The following TJP1 variants were observed in gnomAD, a reference collection of about 807,000 sequenced individuals.
TJP1 encodes the protein tight junction protein 1, also known as tight junction protein ZO-1.
TJP1 carries 43 observed loss-of-function variants against 194.2 expected under a neutral mutation model. The ratio of observed to expected loss-of-function variants is 0.22; its 90% CI spans 0.17 to 0.29. TJP1 has a LOEUF of 0.29. Among genes scored for constraint, TJP1 ranks in the 10% least tolerant of loss-of-function variants. The pLI, the probability that TJP1 is intolerant of heterozygous loss-of-function variation, is 1.00. For missense variants in TJP1, 1,971 were observed against 2,185.7 expected (o/e 0.90, Z 1.96); for synonymous variants, 801 against 779.0 (o/e 1.03, Z -0.47).
chr15:29,897,878 T>C (rs1399200743), intron 2 of TJP1, among the ~76,000 whole-genome samples: 1 of 152,212 alleles, frequency 6.6e-6, no homozygotes, highest in Non-Finnish European at 1.5e-5. Flanking sequence ...ACCCACATTG[T>C]ATTTAGGAAG....
intron 2 of TJP1, among the ~76,000 whole-genome samples, chr15:29,787,663 T>C (rs1353721434): frequency 6.6e-6 from 1 of 152,234 alleles, no homozygotes; most frequent in Non-Finnish European, 1.5e-5. Context: ...ATCAATGTTG[T>C]GGCATGTATC....
At chr15:29,766,890 G>A (rs2046364612) in intron 4 of TJP1, among the ~76,000 whole-genome samples, 1 of 152,136 alleles carries the variant, frequency 6.6e-6, no homozygotes, top group African/African-American at 2.4e-5. Context: ...GTACTCTAAT[G>A]CCATCAAATA....
At chr15:29,742,913 T>C in intron 8 of TJP1, 132 bp from the exon 9 acceptor site, 1 of 691,862 alleles carries the variant, frequency 1.4e-6, no homozygotes, top group Non-Finnish European at 2.1e-6. Flanking sequence ...ACCAAAATAT[T>C]GTAAAAACCT....
chr15:29,817,750 C>T (rs2050028616), intron 1 of TJP1, among the ~76,000 whole-genome samples: 1 of 152,112 alleles, frequency 6.6e-6, no homozygotes, highest in Non-Finnish European at 1.5e-5. Context: ...AACCAAACAC[C>T]ACATGTTCTC....
At chr15:29,960,389 T>C (rs546766454) in intron 1 of TJP1, among the ~76,000 whole-genome samples, 1 of 152,102 alleles carries the variant, frequency 6.6e-6, no homozygotes, top group South Asian at 2.1e-4. Flanking sequence ...TATCAGCACT[T>C]TGGGAGGCCG....
At chr15:29,834,074 G>C (rs2071613891) in intron 2 of TJP1, among the ~76,000 whole-genome samples, 1 of 147,480 alleles carries the variant, frequency 6.8e-6, no homozygotes, top group African/African-American at 2.5e-5. Context: ...GTAGAGACAG[G>C]GTTTCACCAT....
chr15:29,898,027 G>C (rs997543186), intron 2 of TJP1, among the ~76,000 whole-genome samples: 3 of 152,180 alleles, frequency 2.0e-5, no homozygotes, highest in Non-Finnish European at 4.4e-5. Flanking sequence ...GGCATGATTG[G>C]TTTTGAAATG....
Position 29,710,920 on chromosome 15 carries a change from G to A in TJP1, c.4283C>T (p.Pro1428Leu). ...GGCATACTGCGAGGGCAATGGAGGA[G>A]GAGGGGGAGTGGCCTGGATGGGTTC... is the stretch of plus-strand genomic sequence containing the variant. ...RYEPIQATPP[P>L]PPLPSQYAQP... The change falls in exon 24 of 28, where the codon CCT becomes CTT. Residue 1428 changes from proline to leucine, a missense_variant. Around this residue, in one of 5 missense-constraint regions of TJP1, gnomAD observed 1,108 missense variants for 1,128.5 expected, o/e 0.98. Coordinates refer to ENST00000614355, the MANE Select transcript of TJP1 (RefSeq NM_001330239.4). 1 of 1,614,216 alleles carries A rather than the reference G, an allele frequency of 6.2e-7. No homozygotes were observed. The highest frequency in any genetic ancestry group is 8.5e-7 in the Non-Finnish European group (1 of 1,180,050).
chr15:29,882,870 G>A (rs942049744), intron 2 of TJP1, among the ~76,000 whole-genome samples: 4 of 152,272 alleles, frequency 2.6e-5, no homozygotes, highest in African/African-American at 9.6e-5. Flanking sequence ...TGGCCACAGC[G>A]ATGGCTTCCC....
chr15:29,957,651 C>T (rs2055997918), intron 1 of TJP1, among the ~76,000 whole-genome samples: 1 of 152,222 alleles, frequency 6.6e-6, no homozygotes, highest in East Asian at 1.9e-4. Context: ...ATTTGTTCAA[C>T]TATTCCCCTA....
intron 2 of TJP1, among the ~76,000 whole-genome samples, chr15:29,847,374 A>G (rs2051454915): frequency 1.3e-5 from 2 of 152,004 alleles, no homozygotes; most frequent in African/African-American, 4.8e-5. Context: ...TAATTCTATT[A>G]ATTTCTGCTC....
At chr15:29,878,947 AC>A (rs961291100) in intron 2 of TJP1, among the ~76,000 whole-genome samples, 1 of 151,622 alleles carries the variant, frequency 6.6e-6, no homozygotes. Context: ...ACATGGTGAA[AC>A]CCCGTCTCTA....
chr15:29,722,015 C>G (rs2042958658), intron 18 of TJP1, among the ~76,000 whole-genome samples: 1 of 152,118 alleles, frequency 6.6e-6, no homozygotes, highest in African/African-American at 2.4e-5. Flanking sequence ...TATGTGTGCA[C>G]AAACAGATTA....
chr15:29,822,619 G>C (rs1461469818), upstream of TJP1: 1 of 383,760 alleles, frequency 2.6e-6, no homozygotes, highest in Admixed American at 6.4e-5. Context: ...AGCGCGGAAG[G>C]AAAAGCCGGG....
At chr15:29,920,596 A>C (rs575615776) in intron 2 of TJP1, among the ~76,000 whole-genome samples, 21 of 152,214 alleles carry the variant, frequency 1.4e-4, no homozygotes, top group African/African-American at 5.1e-4. Context: ...TCCGTTACCT[A>C]TCTTCGGGGT....
Position 29,701,372 on chromosome 15 carries a change from A to G in TJP1, c.*223T>C. ...CAAAGCAAAATATCTTTGAACCTCT[A>G]GCCAATACCAACAGTCCCGTCAATC... On this transcript the variant is annotated 3_prime_UTR_variant, in exon 28 of 28. Coordinates refer to ENST00000614355, the MANE Select transcript of TJP1 (RefSeq NM_001330239.4). The G allele has an allele frequency of 2.3e-6, 1 of 435,978 alleles. No homozygotes were observed. Among genetic ancestry groups the G allele is most frequent in the Non-Finnish European group, 4.1e-6 (1 of 244,276 alleles). The allele number at this position is 435,978 out of a possible 1,614,324, so 27.0% of individuals were successfully genotyped here.
intron 2 of TJP1, among the ~76,000 whole-genome samples, chr15:29,782,910 A>C (rs1373884952): frequency 6.6e-6 from 1 of 151,848 alleles, no homozygotes; most frequent in Non-Finnish European, 1.5e-5. Context: ...AAAAAAAAAA[A>C]AAACACGTTG....
intron 2 of TJP1, among the ~76,000 whole-genome samples, chr15:29,796,963 TGA>T (rs1491388401): frequency 2.8e-5 from 1 of 35,958 alleles, no homozygotes; most frequent in Non-Finnish European, 9.2e-5. Flanking sequence ...GACATCTGTA[TGA>T]AAAAAAAAAA....
intron 2 of TJP1, among the ~76,000 whole-genome samples, chr15:29,790,634 C>T (rs2048011893): frequency 1.3e-5 from 2 of 152,040 alleles, no homozygotes; most frequent in Non-Finnish European, 2.9e-5. Context: ...CTGTATCTTA[C>T]TCCTTCTAAC....
Sources: allele counts gnomAD v4.1 joint callset (sites outside exome capture counted in the v4.1 genomes callset), GRCh38; gene constraint gnomAD v4.1.1; regional missense constraint gnomAD v4.1.1; transcripts MANE v1.5; gene names NCBI Gene and HGNC (gene_info 2026-07-23, HGNC 2026-07-21).